The following COL6A1 variants were observed in gnomAD, a reference collection of about 807,000 sequenced individuals.
COL6A1 encodes the protein collagen type VI alpha 1 chain.
Under a neutral mutation model 145.6 loss-of-function variants are expected in COL6A1, and 80 were observed. That is an observed-to-expected ratio of 0.55 (90% CI 0.46 to 0.66). The LOEUF (loss-of-function observed/expected upper bound fraction) is 0.66, where lower values mean the gene tolerates loss of function less well. Ranked by LOEUF, COL6A1 falls within the 30% of genes least tolerant of loss-of-function variation. The pLI is 0.00. For synonymous variants in COL6A1, 638 were observed against 622.8 expected, an observed-to-expected ratio of 1.02 and a Z score of -0.36; for missense variants, 1,364 against 1,473.8, an observed-to-expected ratio of 0.93 and a Z score of 1.22.
chr21:45,988,486 C>T (rs867713424), intron 8 of COL6A1, among the ~76,000 whole-genome samples: 3 of 150,786 alleles, frequency 2.0e-5, no homozygotes, highest in East Asian at 2.0e-4. Flanking sequence ...ATGGAAGGGA[C>T]GGCGGGGTCC....
chr21:46,002,772 C>G (rs1050906955), intron 33 of COL6A1, 62 bp downstream of exon 33: 1 of 1,509,864 alleles, frequency 6.6e-7, no homozygotes, highest in African/African-American at 1.4e-5. Context: ...GCCGCCCGGG[C>G]AGTCCCAGAT....
intron 3 of COL6A1, 82 bp from the exon 4 acceptor site, chr21:45,986,444 C>A: frequency 7.1e-7 from 1 of 1,415,662 alleles, no homozygotes; most frequent in Non-Finnish European, 9.7e-7. Flanking sequence ...GAGACAGGGA[C>A]CAGCACCTCC....
At chr21:45,982,076 C>G in intron 1 of COL6A1, 129 bp downstream of exon 1, 1 of 798,800 alleles carries the variant, frequency 1.3e-6, no homozygotes, top group Admixed American at 2.2e-5. Flanking sequence ...AACCCCACTC[C>G]CCGCTCGGGG....
In COL6A1 at chr21:45,986,673, A is replaced by G; in HGVS notation, c.576A>G (p.Thr192=). Residue 192 remains threonine (T), a synonymous_variant, in exon 4 of 35, where the codon ACA becomes ACG. Transcript: ENST00000361866. ...TCAAAGTCTTCTCGGTGGCCATCAC[A>G]CCCGACCACCTGGTAGGCACCGGCC... is the stretch of plus-strand genomic sequence containing the variant. ...LGVKVFSVAI[T]PDHLEPRLSI... is the part of the protein sequence containing the mutation. 1 of 1,547,746 alleles carries G rather than the reference A, an allele frequency of 6.5e-7. No homozygotes were observed. Among genetic ancestry groups the G allele is most frequent in the Non-Finnish European group, 8.7e-7 (1 of 1,147,070 alleles).
At chr21:45,982,895 C>A in intron 2 of COL6A1, 132 bp downstream of exon 2, 1 of 1,316,134 alleles carries the variant, frequency 7.6e-7, no homozygotes, top group African/African-American at 1.4e-5. Flanking sequence ...TGACCGGGGC[C>A]CCTCCCGGCG....
chr21:45,996,988 G>A (rs1042204454), intron 20 of COL6A1, among the ~76,000 whole-genome samples: 1 of 152,300 alleles, frequency 6.6e-6, no homozygotes, highest in South Asian at 2.1e-4. Flanking sequence ...GGGCAGTCTG[G>A]GGCCACTCTG....
chr21:45,983,880 C>T (rs2077722638), intron 2 of COL6A1, among the ~76,000 whole-genome samples: 1 of 152,106 alleles, frequency 6.6e-6, no homozygotes, highest in Admixed American at 6.5e-5. Context: ...GTGGGCCCAC[C>T]CCAGGCTGGG....
chr21:45,990,261 T>C lies in COL6A1; in HGVS notation c.934T>C (p.Ser312Pro), dbSNP rs771229905. The C allele has an allele frequency of 3.7e-6, 6 of 1,612,466 alleles. No homozygotes were observed. In the South Asian group the frequency reaches 6.6e-5, roughly 18 times the overall value. ...GEKGSRGEKGSRGPKGYKGEK... is the reference protein window; with the variant it reads ...GEKGSRGEKGPRGPKGYKGEK... ...CACCCGCTTCCTGTCTCCGCAGGGC[T>C]CCAGGGGACCCAAGGGCTACAAGGT... The change falls in exon 12 of 35, where the codon TCC (serine) becomes CCC (proline). Residue 312 changes from serine (S) to proline (P), a missense_variant. Ser to Pro is a moderately conservative substitution (Grantham distance 74). Around this residue, in one of 3 missense-constraint regions of COL6A1, gnomAD observed 414 missense variants for 437.6 expected, o/e 0.95. Transcript: ENST00000361866.
intron 27 of COL6A1, among the ~76,000 whole-genome samples, chr21:45,999,941 GGACGTGTGAGGAT>G (rs1569518899): frequency 1.7e-4 from 5 of 30,066 alleles, no homozygotes; most frequent in African/African-American, 2.4e-4. Flanking sequence ...ATCATGGGGG[GGACGTGTGAGGAT>G]CATGGGAGGA....
Position 45,999,508 on chromosome 21 carries a change from G to A in COL6A1, c.1741-149G>A, listed in dbSNP as rs1008942844. The A allele has an allele frequency of 4.9e-5, 45 of 921,870 alleles. No individual in the cohort carries two copies. In the East Asian group the frequency reaches 5.2e-4, roughly 11 times the overall value. 57.1% of individuals were successfully genotyped at this position (921,870 alleles called of 1,614,324 possible). ...AAGCCCCAGCTGCCCTCACAGCACCGTCACTGGAGGACGAGGGGCTGGGTA... is the reference window on the plus strand; with the variant it reads ...AAGCCCCAGCTGCCCTCACAGCACCATCACTGGAGGACGAGGGGCTGGGTA... On this transcript the variant is annotated intron_variant, in intron 26 of 34. Transcript: ENST00000361866.
chr21:45,983,991 C>T (rs1325294362), intron 2 of COL6A1, among the ~76,000 whole-genome samples: 5 of 152,210 alleles, frequency 3.3e-5, no homozygotes, highest in Non-Finnish European at 5.9e-5. Context: ...GTCATGCTGC[C>T]CCACTGCAGG....
rs755849995 is a variant in COL6A1 at position 46,004,006 on chromosome 21, T to C, written c.3080T>C (p.Leu1027Pro). 1.2e-6 allele frequency: 2 copies of C among 1,613,112 alleles called. No homozygotes were observed. The highest frequency in any genetic ancestry group is 2.2e-5 in the South Asian group (2 of 91,086). The change falls in exon 35 of 35, where the codon CTG becomes CCG. Residue 1027 changes from leucine (L) to proline (P), a missense_variant. By Grantham distance (98) the Leu-to-Pro change is moderately conservative. This residue lies in a region of COL6A1 where 938 missense variants were observed against 1,003.8 expected (regional missense o/e 0.93). Transcript: ENST00000361866. ...CAGACAGTCTCCAGGAAGGTGGCGC[T>C]GGGCTAGCCCACCCTGCACGCCGGC... Reference protein sequence around the residue: ...FHQTVSRKVALG With the variant: ...FHQTVSRKVAPG
chr21:45,983,202 C>A (rs2077718231), intron 2 of COL6A1, among the ~76,000 whole-genome samples: 1 of 152,220 alleles, frequency 6.6e-6, no homozygotes. Flanking sequence ...CTACCTGGGT[C>A]CTGGATCCCA....
chr21:45,989,833 G>A, intron 11 of COL6A1, 55 bp downstream of exon 11: 1 of 1,608,974 alleles, frequency 6.2e-7, no homozygotes, highest in South Asian at 1.1e-5. Flanking sequence ...GTGCCATCCT[G>A]GACGAGGGTG....
At chr21:45,982,172 C>T (rs1249881556) in intron 1 of COL6A1, among the ~76,000 whole-genome samples, 6 of 152,172 alleles carry the variant, frequency 3.9e-5, no homozygotes, top group African/African-American at 7.2e-5. Context: ...GGGGCCGGAC[C>T]GCAGGCAGCT....
intron 33 of COL6A1, among the ~76,000 whole-genome samples, 155 bp downstream of exon 33, chr21:46,002,865 T>C (rs2077856718): frequency 1.3e-5 from 2 of 151,046 alleles, no homozygotes; most frequent in Admixed American, 1.3e-4. Context: ...GTCCCAGATC[T>C]GTGTAGGTGC....
Position 46,004,447 on chromosome 21 carries a change from G to A in COL6A1, c.*434G>A. ...TCTGTGCTGCATCCCACCAGCCTGA[G>A]CAAGACGCCCTCTCGGGGCCTGTGC... On this transcript the variant is annotated 3_prime_UTR_variant, in exon 35 of 35. Transcript: ENST00000361866. The A allele has an allele frequency of 3.1e-6, 1 of 325,176 alleles. No homozygotes were observed. The highest frequency in any genetic ancestry group is 8.7e-5 in the East Asian group (1 of 11,540). The allele number at this position is 325,176 out of a possible 1,614,324, so 20.1% of individuals were successfully genotyped here.
At chr21:46,000,500 C>A in intron 28 of COL6A1, 133 bp downstream of exon 28, 1 of 1,220,068 alleles carries the variant, frequency 8.2e-7, no homozygotes, top group Non-Finnish European at 1.2e-6. Context: ...GCTCCTCAGC[C>A]AGCCCCTACC....
intron 9 of COL6A1, 151 bp downstream of exon 9, chr21:45,989,288 G>C (rs1458332286): frequency 2.3e-6 from 2 of 887,878 alleles, no homozygotes; most frequent in Non-Finnish European, 3.4e-6. Flanking sequence ...AGGGGCCACA[G>C]CCCAGCCATC....
Sources: allele counts gnomAD v4.1 joint callset (sites outside exome capture counted in the v4.1 genomes callset), GRCh38; gene constraint gnomAD v4.1.1; regional missense constraint gnomAD v4.1.1; transcripts MANE v1.5; gene names NCBI Gene and HGNC (gene_info 2026-07-23, HGNC 2026-07-21).